ZNF423: variants seen among roughly 807,000 people sequenced by gnomAD.
ZNF423 encodes zinc finger protein 423, also known as Ebf-associated zinc finger protein.
ZNF423 carries 12 observed loss-of-function variants against 95.8 expected under a neutral mutation model. The ratio of observed to expected loss-of-function variants is 0.13; its 90% CI spans 0.08 to 0.20. The LOEUF is 0.20. ZNF423 is among the 10% of genes least tolerant of loss of function. The pLI, the probability that ZNF423 is intolerant of heterozygous loss-of-function variation, is 1.00. For synonymous variants in ZNF423, 749 were observed against 711.9 expected (o/e 1.05, Z -0.83); for missense variants, 1,316 against 1,737.1 (o/e 0.76, Z 4.31).
chr16:49,852,763 C>T (rs1352824437), intron 1 of ZNF423, among the ~76,000 whole-genome samples: 1 of 151,992 alleles, frequency 6.6e-6, no homozygotes, highest in Non-Finnish European at 1.5e-5. Flanking sequence ...TATTCTCCCC[C>T]CTCCCCTAGT....
At chr16:49,513,081 G>A (rs1293501170) in intron 7 of ZNF423, among the ~76,000 whole-genome samples, 1 of 152,176 alleles carries the variant, frequency 6.6e-6, no homozygotes, top group African/African-American at 2.4e-5. Flanking sequence ...CTGGGTGACC[G>A]AGTGAGACTC....
At chr16:49,750,911 G>A (rs2033622195) in intron 2 of ZNF423, among the ~76,000 whole-genome samples, 1 of 152,178 alleles carries the variant, frequency 6.6e-6, no homozygotes, top group Non-Finnish European at 1.5e-5. Context: ...AAGCACAAAG[G>A]AACCTGAGGC....
At chr16:49,705,705 G>A (rs113067336) in intron 3 of ZNF423, among the ~76,000 whole-genome samples, 3,324 of 152,110 alleles carry the variant, frequency 0.022, 116 homozygotes, top group African/African-American at 0.076. Context: ...CCACCACCAC[G>A]CCAGGCTAAT....
At position 49,491,112 on chromosome 16, in the gene ZNF423, A is replaced by G; in HGVS notation, c.*163T>C. ...AATACTTTTAATCTCTGCCATTAATATTCATTTCCAGCTGCTTATAATAGC... is the reference window on the plus strand; with the variant it reads ...AATACTTTTAATCTCTGCCATTAATGTTCATTTCCAGCTGCTTATAATAGC... On this transcript the variant is annotated 3_prime_UTR_variant, in exon 8 of 8. Transcript: ENST00000563137. 1 of 765,540 alleles carries G rather than the reference A, an allele frequency of 1.3e-6. No homozygotes were observed. The highest frequency in any genetic ancestry group is 2.3e-6 in the Non-Finnish European group (1 of 441,452). The allele number at this position is 765,540 out of a possible 1,614,324, so 47.4% of individuals were successfully genotyped here. A position where few individuals can be genotyped will look rare whatever the true frequency, so the allele number is the denominator to read the frequency against.
chr16:49,677,290 AGAGAAGAGAAGAGAAGAGAAAGGAG>A (rs2031124129), intron 3 of ZNF423, among the ~76,000 whole-genome samples: 1 of 92,240 alleles, frequency 1.1e-5, no homozygotes, highest in African/African-American at 4.2e-5. Context: ...AGAGAAGAGA[AGAGAAGAGAAGAGAAGAGAAAGGAG>A]GGGAAGGGAG....
chr16:49,514,220 G>A (rs1038693110), intron 7 of ZNF423, among the ~76,000 whole-genome samples: 5 of 133,168 alleles, frequency 3.8e-5, no homozygotes, highest in Admixed American at 7.4e-5. Flanking sequence ...ACATGCACAC[G>A]CACATGCGTA....
intron 2 of ZNF423, among the ~76,000 whole-genome samples, chr16:49,766,289 C>T (rs748955063): frequency 6.6e-6 from 1 of 152,046 alleles, no homozygotes; most frequent in Non-Finnish European, 1.5e-5. Flanking sequence ...GCAGCTCCAG[C>T]GAGCCTAAAG....
intron 1 of ZNF423, chr16:49,847,486 CA>C (rs1329508510): frequency 6.6e-6 from 1 of 152,264 alleles, no homozygotes; most frequent in Non-Finnish European, 1.5e-5. Context: ...GTCATCAGAT[CA>C]CTCAGCAAGT....
intron 5 of ZNF423, among the ~76,000 whole-genome samples, chr16:49,602,637 G>T (rs1054456430): frequency 6.6e-6 from 1 of 152,204 alleles, no homozygotes; most frequent in Non-Finnish European, 1.5e-5. Context: ...CGCAGGCCCA[G>T]GGCACAGGCT....
intron 7 of ZNF423, among the ~76,000 whole-genome samples, chr16:49,520,555 C>T (rs545107003): frequency 2.0e-5 from 3 of 152,362 alleles, no homozygotes; most frequent in East Asian, 3.9e-4. Flanking sequence ...AGAATCTTCT[C>T]AAGACCTCTC....
chr16:49,782,851 T>C (rs1240667121), intron 2 of ZNF423, among the ~76,000 whole-genome samples: 1 of 151,480 alleles, frequency 6.6e-6, no homozygotes, highest in East Asian at 1.9e-4. Flanking sequence ...ACGCTAAGCA[T>C]GGTGGTACAT....
chr16:49,741,193 G>A (rs1262668366), intron 2 of ZNF423, among the ~76,000 whole-genome samples: 1 of 110,840 alleles, frequency 9.0e-6, no homozygotes, highest in African/African-American at 4.0e-5. Flanking sequence ...AAACACACCT[G>A]CTGCTTTTTT....
intron 3 of ZNF423, among the ~76,000 whole-genome samples, chr16:49,677,141 C>G (rs1243721912): frequency 6.7e-6 from 1 of 149,662 alleles, no homozygotes; most frequent in African/African-American, 2.5e-5. Context: ...TCGCTGGAAC[C>G]CGGGAGGCGA....
At chr16:49,653,907 T>C (rs1469328378) in intron 3 of ZNF423, among the ~76,000 whole-genome samples, 2 of 152,180 alleles carry the variant, frequency 1.3e-5, no homozygotes, top group Admixed American at 6.5e-5. Context: ...GGCATTGTCA[T>C]AGTGAACCAC....
At chr16:49,789,364 G>T in intron 2 of ZNF423, 123 bp downstream of exon 2, 1 of 890,848 alleles carries the variant, frequency 1.1e-6, no homozygotes, top group South Asian at 1.6e-5. Flanking sequence ...GGGGTAGTCT[G>T]GATTGGAGGC....
intron 2 of ZNF423, among the ~76,000 whole-genome samples, chr16:49,736,114 A>G (rs1434293849): frequency 6.6e-6 from 1 of 152,164 alleles, no homozygotes; most frequent in Non-Finnish European, 1.5e-5. Context: ...TGTTGAATGA[A>G]TGGATGAGTG....
Position 49,626,186 on chromosome 16 carries a change from A to G in ZNF423, c.3585T>C (p.Val1195=), listed in dbSNP as rs750864371. The G allele has an allele frequency of 1.2e-6, 2 of 1,614,074 alleles. No individual in the cohort carries two copies. The highest frequency in any genetic ancestry group is 2.2e-5 in the East Asian group (1 of 44,886). Residue 1195 remains valine (V), a synonymous_variant, in exon 5 of 8, where the codon GTT becomes GTC. Transcript: ENST00000563137. ...CTCTCTTACCAATCATGTGGTTGGC[A>G]ACGTGGATTTGGATCTCTCTCTCGT... The part of the protein sequence containing the change: ...FENEREIQIH[V]ANHMIEEGIN...
intron 1 of ZNF423, among the ~76,000 whole-genome samples, chr16:49,834,663 C>T (rs1046686846): frequency 6.6e-6 from 1 of 152,170 alleles, no homozygotes; most frequent in African/African-American, 2.4e-5. Flanking sequence ...CGGGCAGGGG[C>T]AGCTGTCCAG....
At chr16:49,731,988 T>C (rs139424629) in intron 2 of ZNF423, among the ~76,000 whole-genome samples, 2,356 of 152,312 alleles carry the variant, frequency 0.015, 21 homozygotes, top group Admixed American at 0.025. Flanking sequence ...TGCCTTGCAA[T>C]TGTGCTGTGT....
Sources: gnomAD v4.1 joint callset for allele counts (sites outside exome capture counted in the v4.1 genomes callset) on GRCh38, gnomAD v4.1.1 for gene constraint, MANE v1.5 for transcripts, NCBI Gene and HGNC (gene_info 2026-07-23, HGNC 2026-07-21) for gene names.